LYRM4: variants seen among roughly 807,000 people sequenced by gnomAD.
LYRM4 encodes LYR motif-containing protein 4.
LYRM4 carries 9 observed loss-of-function variants against 11.7 expected under a neutral mutation model. The ratio of observed to expected loss-of-function variants is 0.77; its 90% CI spans 0.46 to 1.34. The LOEUF (loss-of-function observed/expected upper bound fraction) is 1.34, where lower values mean the gene tolerates loss of function less well. LYRM4 is among the 40% of genes most tolerant of loss of function. The pLI is 0.00. For missense variants in LYRM4, 133 were observed against 112.5 expected, an observed-to-expected ratio of 1.18 and a Z score of -0.82; for synonymous variants, 42 against 40.4, an observed-to-expected ratio of 1.04 and a Z score of -0.15.
intron 2 of LYRM4, among the ~76,000 whole-genome samples, chr6:5,119,226 C>A (rs1197925506): frequency 6.6e-6 from 1 of 152,090 alleles, no homozygotes; most frequent in East Asian, 1.9e-4. Flanking sequence ...AGTTCATATC[C>A]CTGCCCACTA....
intron 2 of LYRM4, among the ~76,000 whole-genome samples, chr6:5,192,318 G>C (rs898837942): frequency 2.6e-5 from 4 of 152,148 alleles, no homozygotes; most frequent in African/African-American, 9.7e-5. Flanking sequence ...GGCAAGGCAG[G>C]AGGCCAGTAC....
intron 2 of LYRM4, among the ~76,000 whole-genome samples, chr6:5,149,667 G>C (rs1446767529): frequency 6.6e-6 from 1 of 151,970 alleles, no homozygotes; most frequent in African/African-American, 2.4e-5. Context: ...TGGAGATGAG[G>C]ATATCAGAGG....
intron 2 of LYRM4, among the ~76,000 whole-genome samples, chr6:5,128,098 C>A (rs921030215): frequency 6.6e-6 from 1 of 152,020 alleles, no homozygotes; most frequent in Admixed American, 6.5e-5. Context: ...AGCACCTGGA[C>A]GAGGAAGAGT....
At chr6:5,054,678 GA>G in the LYRM4 span, among the ~76,000 whole-genome samples, 1 of 152,164 alleles carries the variant, frequency 6.6e-6, no homozygotes, top group Admixed American at 6.5e-5. Flanking sequence ...CCCATGATGG[GA>G]AGGAGGAGTC....
chr6:5,071,309 G>A, the LYRM4 span, among the ~76,000 whole-genome samples: 1 of 152,094 alleles, frequency 6.6e-6, no homozygotes, highest in Non-Finnish European at 1.5e-5. Context: ...GATAGTCTGT[G>A]CATAAAAGTC....
chr6:5,244,656 G>A (rs1764059717), intron 1 of LYRM4, among the ~76,000 whole-genome samples: 1 of 152,108 alleles, frequency 6.6e-6, no homozygotes, highest in African/African-American at 2.4e-5. Flanking sequence ...GGGATAGAGG[G>A]TTGGGACCTG....
the LYRM4 span, among the ~76,000 whole-genome samples, chr6:5,050,104 A>G: frequency 2.0e-4 from 31 of 152,258 alleles, no homozygotes; most frequent in Non-Finnish European, 4.0e-4. Flanking sequence ...CCATTTCCCC[A>G]TTTGGACAAC....
the LYRM4 span, among the ~76,000 whole-genome samples, chr6:5,070,801 T>C: frequency 2.7e-5 from 4 of 146,574 alleles, no homozygotes; most frequent in African/African-American, 1.0e-4. Context: ...AGCCCAGGAA[T>C]TCAAGGCTGC....
chr6:5,119,863 G>A (rs1763340034), intron 2 of LYRM4, among the ~76,000 whole-genome samples: 1 of 151,006 alleles, frequency 6.6e-6, no homozygotes, highest in African/African-American at 2.4e-5. Flanking sequence ...TCTTTCTGTG[G>A]CATCTGTGAC....
At chr6:5,085,834 G>T in the LYRM4 span, 5 of 1,529,158 alleles carry the variant, frequency 3.3e-6, no homozygotes, top group Admixed American at 4.0e-5. Context: ...GGCGGAGGAC[G>T]CACAGCTCGG....
rs193244727 is a variant in LYRM4 at position 5,134,704 on chromosome 6, T to C, written c.208-25213A>G. Among the ~76,000 whole-genome samples, 299 of 152,348 alleles carry C rather than the reference T, an allele frequency of 2.0e-3. 4 individuals are homozygous for C. The highest frequency in any genetic ancestry group is 6.8e-3 in the Middle Eastern group (2 of 294). On this transcript the variant is annotated intron_variant, in intron 2 of 2. Transcript: ENST00000330636. The stretch of plus-strand genomic sequence containing the variant: ...GTATCTAACTCTTAAAGATGGGTGA[T>C]GGATACACAGGACTCATTTGACAAT...
chr6:5,189,300 T>G (rs1453662640), intron 2 of LYRM4, among the ~76,000 whole-genome samples: 3 of 151,896 alleles, frequency 2.0e-5, no homozygotes, highest in Admixed American at 6.5e-5. Flanking sequence ...AGCCTAAGGT[T>G]AGTGGTGAGC....
At chr6:5,057,456 C>T in the LYRM4 span, among the ~76,000 whole-genome samples, 1 of 152,106 alleles carries the variant, frequency 6.6e-6, no homozygotes, top group East Asian at 1.9e-4. Context: ...GTGGCCCACG[C>T]CTGTAATCCC....
chr6:5,156,112 G>A (rs1015461412), intron 2 of LYRM4, among the ~76,000 whole-genome samples: 1 of 152,238 alleles, frequency 6.6e-6, no homozygotes, highest in Non-Finnish European at 1.5e-5. Flanking sequence ...GAGCTAGAAT[G>A]AATAACCCTT....
At chr6:5,091,435 C>G in the LYRM4 span, among the ~76,000 whole-genome samples, 1 of 152,188 alleles carries the variant, frequency 6.6e-6, no homozygotes, top group African/African-American at 2.4e-5. Context: ...CAGAACGCAG[C>G]GGTCACTGAT....
the LYRM4 span, among the ~76,000 whole-genome samples, chr6:5,071,745 C>T: frequency 6.6e-6 from 1 of 152,158 alleles, no homozygotes; most frequent in African/African-American, 2.4e-5. Flanking sequence ...TCACACGATT[C>T]TCCTGCCTCA....
chr6:5,048,290 G>GGTGTGTGTGTGT, the LYRM4 span, among the ~76,000 whole-genome samples: 51 of 140,056 alleles, frequency 3.6e-4, 1 homozygote, highest in East Asian at 2.0e-3. Flanking sequence ...GACACTTTGT[G>GGTGTGTGTGTGT]GTGTGTGTGT....
the LYRM4 span, among the ~76,000 whole-genome samples, chr6:5,058,232 G>C: frequency 2.6e-5 from 4 of 152,278 alleles, no homozygotes; most frequent in Admixed American, 1.3e-4. Flanking sequence ...GAAACCATGG[G>C]AGCCACTGCT....
chr6:5,149,777 C>G (rs763527606), intron 2 of LYRM4, among the ~76,000 whole-genome samples: 1 of 152,178 alleles, frequency 6.6e-6, no homozygotes. Flanking sequence ...ACATCAGATA[C>G]ACAATTCCAC....
Sources: allele counts gnomAD v4.1 joint callset (sites outside exome capture counted in the v4.1 genomes callset), GRCh38; gene constraint gnomAD v4.1.1; transcripts MANE v1.5; gene names NCBI Gene and HGNC (gene_info 2026-07-23, HGNC 2026-07-21).